The following PHACTR2 variants were observed in gnomAD, a reference collection of about 807,000 sequenced individuals.
PHACTR2 encodes chromosome 6 open reading frame 56.
PHACTR2 carries 30 observed loss-of-function variants against 76.0 expected under a neutral mutation model. The observed-to-expected ratio is 0.39, with a 90% CI of 0.30 to 0.54. PHACTR2 has a LOEUF of 0.54. Among genes scored for constraint, PHACTR2 ranks in the 20% least tolerant of loss-of-function variants. PHACTR2 has a pLI of 0.61. For missense variants in PHACTR2, 696 were observed against 781.1 expected, an observed-to-expected ratio of 0.89 and a Z score of 1.30; for synonymous variants, 292 against 292.5, an observed-to-expected ratio of 1.00 and a Z score of 0.02.
chr6:143,793,094 A>T lies in PHACTR2; in HGVS notation c.1845+4184A>T, dbSNP rs1775730978. 6.6e-6 allele frequency among the ~76,000 whole-genome samples: 1 copy of T among 152,226 alleles called. No homozygotes were observed. The highest frequency in any genetic ancestry group is 2.4e-5 in the African/African-American group (1 of 41,456). On this transcript the variant is annotated intron_variant, in intron 11 of 12. Coordinates refer to ENST00000440869, the MANE Select transcript of PHACTR2 (RefSeq NM_001100164.2). The surrounding 1 kb of genome is among the most constrained non-coding windows in gnomAD (Gnocchi z 4.4). The stretch of plus-strand genomic sequence containing the variant: ...ACTTCAGAAAGGCAGGTAGGGCCAG[A>T]TAAATGAGTAAAGATCACTGCAGTT...
rs2128426125 is a variant in PHACTR2, at chr6:143,539,208, A to G, written c.217+2001A>G. ...TTATAAAATTATTTTACTTCTGAGG[A>G]CTCTTTGTCTTTTCTGTGTCCTCTT... On this transcript the variant is annotated intron_variant, in intron 1 of 11. Coordinates refer to the PHACTR2 transcript ENST00000367584. The surrounding 1 kb of genome is among the most constrained non-coding windows in gnomAD (Gnocchi z 4.3). 6.6e-6 allele frequency among the ~76,000 whole-genome samples: 1 copy of G among 151,934 alleles called. No individual in the cohort carries two copies. The highest frequency in any genetic ancestry group is 2.1e-4 in the South Asian group (1 of 4,820).
At chr6:143,716,683 A>G (rs1204733478) in intron 2 of PHACTR2, among the ~76,000 whole-genome samples, 1 of 152,224 alleles carries the variant, frequency 6.6e-6, no homozygotes, top group Non-Finnish European at 1.5e-5. Flanking sequence ...AGAGCTGATA[A>G]GTAGGACAGG....
In PHACTR2 at chr6:143,777,386, GAGTATT is replaced by G; in HGVS notation, c.1645+4_1645+9del. The G allele has an allele frequency of 6.5e-7, 1 of 1,550,140 alleles. No individual in the cohort carries two copies. Among genetic ancestry groups the G allele is most frequent in the Non-Finnish European group, 8.9e-7 (1 of 1,124,530 alleles). ...AGAGCAAAGAAACATCCTAAAACGTGAGTATTCTATACTATAGAATGATTCCTTGTG... is the reference window on the plus strand; with the variant it reads ...AGAGCAAAGAAACATCCTAAAACGTGCTATACTATAGAATGATTCCTTGTG... On this transcript the variant is annotated splice_donor_5th_base_variant and intron_variant, in intron 9 of 12. Coordinates refer to ENST00000440869, the MANE Select transcript of PHACTR2 (RefSeq NM_001100164.2). The surrounding 1 kb of genome is among the most constrained non-coding windows in gnomAD (Gnocchi z 4.6).
intron 5 of PHACTR2, among the ~76,000 whole-genome samples, chr6:143,762,830 T>C (rs915465426): frequency 6.6e-6 from 1 of 152,228 alleles, no homozygotes; most frequent in Non-Finnish European, 1.5e-5. Flanking sequence ...TGTTTCTCAT[T>C]GTTACACATT....
chr6:143,716,207 C>A (rs1054544878), intron 2 of PHACTR2, among the ~76,000 whole-genome samples: 2 of 152,138 alleles, frequency 1.3e-5, no homozygotes, highest in Admixed American at 1.3e-4. Flanking sequence ...GCACAAGTTC[C>A]AACAGGTAGG....
intron 1 of PHACTR2, among the ~76,000 whole-genome samples, chr6:143,540,931 T>C (rs1204407779): frequency 6.6e-6 from 1 of 152,240 alleles, no homozygotes; most frequent in African/African-American, 2.4e-5. Flanking sequence ...TTTTCTTTTT[T>C]TGAGATGGAG....
rs947508550 is a variant in PHACTR2, at chr6:143,689,805, G to A, written c.46+11596G>A. 2.7e-5 allele frequency among the ~76,000 whole-genome samples: 4 copies of A among 150,846 alleles called. No homozygotes were observed. The highest frequency in any genetic ancestry group is 1.3e-4 in the Admixed American group (2 of 15,082). On this transcript the variant is annotated intron_variant, in intron 1 of 12. Coordinates refer to ENST00000440869, the MANE Select transcript of PHACTR2 (RefSeq NM_001100164.2). This position sits in a 1 kb window ranked among gnomAD's most constrained non-coding sequence, Gnocchi z 4.4. The stretch of plus-strand genomic sequence containing the variant: ...GCTCCTGGGTTCAAGTGATTCTCCT[G>A]CCTCAGCCTCCCGATTAGCTGGGAT...
chr6:143,812,841 G>T lies in PHACTR2; in HGVS notation c.1922+5708G>T, dbSNP rs146507290. ...TTGCATTCTCGAAGGAGACCAACAT[G>T]GCAAACAAAAGCCACTTCCTTTTCC... On this transcript the variant is annotated intron_variant, in intron 12 of 12. Transcript: ENST00000440869. 7.2e-5 allele frequency among the ~76,000 whole-genome samples: 11 copies of T among 152,166 alleles called. No homozygotes were observed. In the East Asian group the frequency reaches 2.1e-3, roughly 29 times the overall value.
rs1170225022 is a variant in PHACTR2 at position 143,818,783 on chromosome 6, T to C, written c.1923-4891T>C. ...AAACCACTCGCCTGATTCAATTACC[T>C]CCCACCAGGTCCCTCCCACAACATG... On this transcript the variant is annotated intron_variant, in intron 12 of 12. Transcript: ENST00000440869. This position sits in a 1 kb window ranked among gnomAD's most constrained non-coding sequence, Gnocchi z 4.9. Among the ~76,000 whole-genome samples, 1 of 152,080 alleles carries C rather than the reference T, an allele frequency of 6.6e-6. No homozygotes were observed. Among genetic ancestry groups the C allele is most frequent in the East Asian group, 1.9e-4 (1 of 5,182 alleles).
In PHACTR2 at chr6:143,777,323, C is replaced by A; in HGVS notation, c.1590-5C>A. 6.3e-7 allele frequency: 1 copy of A among 1,579,316 alleles called. No individual in the cohort carries two copies. The highest frequency in any genetic ancestry group is 1.1e-5 in the South Asian group (1 of 89,212). On this transcript the variant is annotated splice_region_variant and splice_polypyrimidine_tract_variant and intron_variant, in intron 8 of 12. Transcript: ENST00000440869. This position sits in a 1 kb window ranked among gnomAD's most constrained non-coding sequence, Gnocchi z 4.6. Reference sequence around the variant, plus strand: ...ACCTGTAATATATCCTTTTTGTCATCATAGGAGGCTGAGCCAGAGGCCCAC... The same window carrying A: ...ACCTGTAATATATCCTTTTTGTCATAATAGGAGGCTGAGCCAGAGGCCCAC...
At chr6:143,667,915 A>G (rs915419209) in intron 1 of PHACTR2, among the ~76,000 whole-genome samples, 9 of 152,174 alleles carry the variant, frequency 5.9e-5, no homozygotes, top group Admixed American at 4.6e-4. Context: ...TTCCAATACA[A>G]TGTTGAATAG....
intron 6 of PHACTR2, among the ~76,000 whole-genome samples, chr6:143,771,160 ATATATATATATATG>A (rs1431088333): frequency 0.031 from 670 of 21,576 alleles, 50 homozygotes; most frequent in African/African-American, 0.099. Flanking sequence ...ATATATATGT[ATATATATATATATG>A]TATATATATA....
intron 12 of PHACTR2, among the ~76,000 whole-genome samples, chr6:143,817,081 A>G (rs1776312725): frequency 6.7e-6 from 1 of 148,256 alleles, no homozygotes; most frequent in African/African-American, 2.5e-5. Context: ...CCCCCCAAAA[A>G]AGAAGATTAT....
rs1233897753 is a variant in PHACTR2 at position 143,641,587 on chromosome 6, ACCTCCG to A, written c.13+33271_13+33276del. ...AATGGCATGATCTCGGCTAACCACA[ACCTCCG>A]CCTCCCAGGTTCAAGCGATTCTCCT... is the stretch of plus-strand genomic sequence containing the variant. On this transcript the variant is annotated intron_variant, in intron 1 of 11. Coordinates refer to the PHACTR2 transcript ENST00000305766. The surrounding 1 kb of genome is among the most constrained non-coding windows in gnomAD (Gnocchi z 5.8). 6.7e-6 allele frequency among the ~76,000 whole-genome samples: 1 copy of A among 150,078 alleles called. No individual in the cohort carries two copies. Among genetic ancestry groups the A allele is most frequent in the African/African-American group, 2.5e-5 (1 of 40,632 alleles).
chr6:143,753,812 G>A lies in PHACTR2; in HGVS notation c.354G>A (p.Glu118=). 6.2e-7 allele frequency: 1 copy of A among 1,612,646 alleles called. No homozygotes were observed. ...ACGGGCACATGATACCCATCGGAGAGGAATCTACCCGAGAGGAAAATGTAG... is the reference window on the plus strand; with the variant it reads ...ACGGGCACATGATACCCATCGGAGAAGAATCTACCCGAGAGGAAAATGTAG... The part of the protein sequence containing the change: ...NSNGHMIPIG[E]ESTREENVVK... Residue 118 remains glutamate (E), a synonymous_variant, in exon 4 of 13, where the codon GAG becomes GAA. Coordinates refer to ENST00000440869, the MANE Select transcript of PHACTR2 (RefSeq NM_001100164.2). The surrounding 1 kb of genome is among the most constrained non-coding windows in gnomAD (Gnocchi z 4.6).
At position 143,724,355 on chromosome 6, in the gene PHACTR2, A is replaced by G. The variant is rs542457543; in HGVS notation, c.214+12172A>G. On this transcript the variant is annotated intron_variant, in intron 2 of 12. Transcript: ENST00000440869. The stretch of plus-strand genomic sequence containing the variant: ...CACTGTGTTAGCCAGGATGGTCTCG[A>G]TCTCCCGAACTCGTGATCCACCCGC... Among the ~76,000 whole-genome samples the G allele has an allele frequency of 6.6e-5, 10 of 151,790 alleles. No homozygotes were observed. In the East Asian group the frequency reaches 1.9e-3, roughly 30 times the overall value.
chr6:143,771,562 G>A (rs1775142390), intron 6 of PHACTR2, among the ~76,000 whole-genome samples: 1 of 151,208 alleles, frequency 6.6e-6, no homozygotes, highest in Non-Finnish European at 1.5e-5. Context: ...TCAGCCTCCC[G>A]AGTAGTTGGG....
At chr6:143,817,768 ACACATTCT>A (rs1776331306) in intron 12 of PHACTR2, among the ~76,000 whole-genome samples, 1 of 152,230 alleles carries the variant, frequency 6.6e-6, no homozygotes, top group African/African-American at 2.4e-5. Context: ...GATAAACACC[ACACATTCT>A]CACTTACACA....
rs889660712 is a variant in PHACTR2 at position 143,793,686 on chromosome 6, C to T, written c.1845+4776C>T. Among the ~76,000 whole-genome samples the T allele has an allele frequency of 6.6e-6, 1 of 151,998 alleles. No homozygotes were observed. Among genetic ancestry groups the T allele is most frequent in the African/African-American group, 2.4e-5 (1 of 41,378 alleles). ...CTTTGGGAGGCCAAGGTTTCTTGAG[C>T]TCAAGATTTCTTGAGCTCAGGAGTT... On this transcript the variant is annotated intron_variant, in intron 11 of 12. Transcript: ENST00000440869. This position sits in a 1 kb window ranked among gnomAD's most constrained non-coding sequence, Gnocchi z 4.4.
Sources: allele counts gnomAD v4.1 joint callset (sites outside exome capture counted in the v4.1 genomes callset), GRCh38; gene constraint gnomAD v4.1.1; non-coding constraint Gnocchi (gnomAD v3.1); transcripts MANE v1.5; gene names NCBI Gene and HGNC (gene_info 2026-07-23, HGNC 2026-07-21).